Variants in PRKD1 observed in about 807,000 individuals in gnomAD.
PRKD1 encodes protein kinase D1.
A neutral mutation model predicts 95.9 loss-of-function variants in PRKD1; 63 were observed. That is an observed-to-expected ratio of 0.66 (90% CI 0.54 to 0.81). PRKD1 has a LOEUF of 0.81. Among genes scored for constraint, PRKD1 ranks in the 30% least tolerant of loss-of-function variants. The pLI, the probability that PRKD1 is intolerant of heterozygous loss-of-function variation, is 0.00. For synonymous variants in PRKD1, 425 were observed against 423.1 expected, an observed-to-expected ratio of 1.00 and a Z score of -0.05; for missense variants, 1,048 against 1,165.3, an observed-to-expected ratio of 0.90 and a Z score of 1.47.
chr14:29,891,931 C>G (rs1893951085), intron 1 of PRKD1, among the ~76,000 whole-genome samples: 1 of 152,104 alleles, frequency 6.6e-6, no homozygotes, highest in Admixed American at 6.6e-5. Flanking sequence ...CCCTACTCAC[C>G]TCTTAAAATT....
intron 4 of PRKD1, among the ~76,000 whole-genome samples, chr14:29,640,581 C>G (rs1396002275): frequency 6.6e-6 from 1 of 152,070 alleles, no homozygotes; most frequent in South Asian, 2.1e-4. Flanking sequence ...CAAAGGTTTG[C>G]CAAACCAGAA....
At chr14:29,764,591 T>A (rs1274553772) in intron 1 of PRKD1, among the ~76,000 whole-genome samples, 1 of 152,152 alleles carries the variant, frequency 6.6e-6, no homozygotes, top group Non-Finnish European at 1.5e-5. Context: ...GCCTTGTAGC[T>A]GCATCCTCAT....
At chr14:29,681,584 G>T (rs1395321501) in intron 2 of PRKD1, among the ~76,000 whole-genome samples, 2 of 152,166 alleles carry the variant, frequency 1.3e-5, no homozygotes, top group African/African-American at 4.8e-5. Flanking sequence ...TCATGTACCA[G>T]TCAATGCTTG....
At chr14:29,871,266 T>A (rs949362457) in intron 1 of PRKD1, among the ~76,000 whole-genome samples, 1 of 152,192 alleles carries the variant, frequency 6.6e-6, no homozygotes, top group Non-Finnish European at 1.5e-5. Context: ...TGAGAATAGA[T>A]AACATTTCAA....
chr14:29,912,231 G>T (rs1329183001), intron 1 of PRKD1, among the ~76,000 whole-genome samples: 4 of 152,058 alleles, frequency 2.6e-5, no homozygotes, highest in Non-Finnish European at 5.9e-5. Context: ...AACATTCAAA[G>T]GTTCCAGGGA....
At chr14:29,605,292 T>A (rs1284747231) in intron 13 of PRKD1, among the ~76,000 whole-genome samples, 2 of 152,166 alleles carry the variant, frequency 1.3e-5, no homozygotes, top group Non-Finnish European at 2.9e-5. Flanking sequence ...CTGGATAAGG[T>A]GCCTACCCTT....
chr14:29,764,237 T>C (rs779118202), intron 1 of PRKD1, among the ~76,000 whole-genome samples: 50 of 152,046 alleles, frequency 3.3e-4, no homozygotes, highest in Admixed American at 1.6e-3. Flanking sequence ...CAATTTTCAG[T>C]AATGATGAAC....
At chr14:29,828,027 C>T (rs1023321429) in intron 1 of PRKD1, among the ~76,000 whole-genome samples, 1 of 152,078 alleles carries the variant, frequency 6.6e-6, no homozygotes, top group African/African-American at 2.4e-5. Context: ...TCTATTCCTA[C>T]ATTTATTCTC....
intron 1 of PRKD1, among the ~76,000 whole-genome samples, chr14:29,910,412 C>T (rs1235292751): frequency 6.6e-6 from 1 of 152,156 alleles, no homozygotes; most frequent in South Asian, 2.1e-4. Flanking sequence ...AGAACTGTAA[C>T]ACTCAACGCG....
At chr14:29,752,218 A>T (rs1242822335) in intron 1 of PRKD1, among the ~76,000 whole-genome samples, 1 of 152,210 alleles carries the variant, frequency 6.6e-6, no homozygotes, top group African/African-American at 2.4e-5. Context: ...TGTAAATTAT[A>T]TGCTACATAC....
chr14:29,856,436 AAC>A (rs940449187), intron 1 of PRKD1, among the ~76,000 whole-genome samples: 1 of 152,202 alleles, frequency 6.6e-6, no homozygotes, highest in Non-Finnish European at 1.5e-5. Context: ...AGACACTAAA[AAC>A]ACAGATTTCT....
In PRKD1 at chr14:29,630,846, C is replaced by G. The variant is rs752988965; in HGVS notation, c.1568G>C (p.Gly523Ala). The change falls in exon 10 of 18, where the codon GGC becomes GCC. Residue 523 changes from glycine (G) to alanine (A), a missense_variant. By Grantham distance (60) the Gly-to-Ala change is moderately conservative (BLOSUM62 0). Around this residue, in one of 3 missense-constraint regions of PRKD1, gnomAD observed 739 missense variants for 861.9 expected, o/e 0.86. Coordinates refer to ENST00000331968, the MANE Select transcript of PRKD1 (RefSeq NM_002742.3). ...CATCCTGGCCACATCTGCACCAACG[C>G]CACTGGTGAGAACACTGTTATTTGG... ...PSPNNSVLTS[G>A]VGADVARMWE... The G allele has an allele frequency of 3.7e-6, 6 of 1,613,966 alleles. No individual in the cohort carries two copies. In the Admixed American group the frequency reaches 5.0e-5, roughly 13 times the overall value.
At chr14:29,691,982 A>C (rs1884265046) in intron 2 of PRKD1, among the ~76,000 whole-genome samples, 1 of 152,158 alleles carries the variant, frequency 6.6e-6, no homozygotes, top group South Asian at 2.1e-4. Flanking sequence ...TGAAGATGTG[A>C]ACATACAATT....
At chr14:29,713,866 C>T (rs1885459012) in intron 2 of PRKD1, among the ~76,000 whole-genome samples, 1 of 152,132 alleles carries the variant, frequency 6.6e-6, no homozygotes, top group Admixed American at 6.6e-5. Context: ...TATTCAAACA[C>T]TAAATAATTT....
rs754526309 is a variant in PRKD1 at position 29,632,891 on chromosome 14, T to C, written c.1370A>G (p.Asp457Gly). ...TACCTTGTAGTACCTGCTTCCTGTG[T>C]CATTCTGAAAGAGGGTAATACATTT... ...DSKCITLFQN[D>G]TGSRYYKEIP... Residue 457 changes from aspartate (D) to glycine (G), a missense_variant, in exon 9 of 18, where the codon GAC (aspartate) becomes GGC (glycine). Coordinates refer to ENST00000331968, the MANE Select transcript of PRKD1 (RefSeq NM_002742.3). 3.2e-5 allele frequency: 52 copies of C among 1,613,418 alleles called. No homozygotes were observed. Among genetic ancestry groups the C allele is most frequent in the Non-Finnish European group, 4.2e-5 (50 of 1,179,444 alleles).
rs540033987 is a variant in PRKD1, at chr14:29,642,578, TAA to T, written c.697-3676_697-3675del. On this transcript the variant is annotated intron_variant, in intron 4 of 17. Transcript: ENST00000331968. ...TTTGCATGAAATGTATTATACAAAGTAAAGAGATTTCATTATATATCAAGTTT... is the reference window on the plus strand; with the variant it reads ...TTTGCATGAAATGTATTATACAAAGTAGAGATTTCATTATATATCAAGTTT... Among the ~76,000 whole-genome samples, 5 of 152,304 alleles carry T rather than the reference TAA, an allele frequency of 3.3e-5. No homozygotes were observed. The East Asian group carries it at 9.7e-4, about 29-fold the overall frequency.
chr14:29,664,762 T>G (rs1478327622), intron 3 of PRKD1, among the ~76,000 whole-genome samples: 1 of 152,182 alleles, frequency 6.6e-6, no homozygotes, highest in Non-Finnish European at 1.5e-5. Context: ...TATATCATGG[T>G]GTCCTAGCAC....
intron 1 of PRKD1, among the ~76,000 whole-genome samples, chr14:29,921,359 A>G (rs1594629100): frequency 6.6e-6 from 1 of 151,488 alleles, no homozygotes; most frequent in East Asian, 1.9e-4. Flanking sequence ...GCTTTTTTTA[A>G]TATTATAATT....
intron 2 of PRKD1, among the ~76,000 whole-genome samples, chr14:29,682,979 G>C (rs955052874): frequency 3.9e-5 from 6 of 152,166 alleles, no homozygotes; most frequent in Non-Finnish European, 5.9e-5. Flanking sequence ...GGGGAGCCAG[G>C]CCTTGTGTAG....
Sources: gnomAD v4.1 joint callset for allele counts (sites outside exome capture counted in the v4.1 genomes callset) on GRCh38, gnomAD v4.1.1 for gene constraint, gnomAD v4.1.1 regional missense constraint, MANE v1.5 for transcripts, NCBI Gene and HGNC (gene_info 2026-07-23, HGNC 2026-07-21) for gene names.